ATP2B3: variants seen among roughly 807,000 people sequenced by gnomAD.
ATP2B3 encodes the protein ATPase plasma membrane Ca2+ transporting 3.
In ATP2B3, 12 loss-of-function variants were observed where a neutral mutation model predicts 70.8. The ratio of observed to expected loss-of-function variants is 0.17; its 90% CI spans 0.11 to 0.27. The LOEUF (loss-of-function observed/expected upper bound fraction) is 0.27. ATP2B3 is among the 10% of genes least tolerant of loss of function. The pLI is 1.00. For synonymous variants in ATP2B3, 460 were observed against 497.8 expected (o/e 0.92, Z 1.01); for missense variants, 858 against 1,118.5 (o/e 0.77, Z 3.32).
At position 153,542,317 on chromosome X, in the gene ATP2B3, C is replaced by T. The variant is rs1410046154; in HGVS notation, c.665-6C>T. The T allele has an allele frequency of 3.3e-6, 4 of 1,211,121 alleles. No individual in the cohort carries two copies. The highest frequency in any genetic ancestry group is 3.4e-6 in the Non-Finnish European group (3 of 895,389). ...GGAGAAAGGCCTCTGCTTCCCGGTGCTCTAGGCGACCTGCTGCCAGCCGAC... is the reference window on the plus strand; with the variant it reads ...GGAGAAAGGCCTCTGCTTCCCGGTGTTCTAGGCGACCTGCTGCCAGCCGAC... On this transcript the variant is annotated splice_region_variant and splice_polypyrimidine_tract_variant and intron_variant, in intron 5 of 21. Transcript: ENST00000263519.
intron 2 of ATP2B3, among the ~76,000 whole-genome samples, chrX:153,518,881 A>T (rs1041497790): frequency 8.9e-6 from 1 of 111,843 alleles, no homozygotes; most frequent in African/African-American, 3.2e-5. Flanking sequence ...AGGGCCTCCG[A>T]CCTCAAAGGA....
chrX:153,568,925 G>A (rs2090749134), intron 21 of ATP2B3, among the ~76,000 whole-genome samples: 1 of 112,832 alleles, frequency 8.9e-6, no homozygotes. Context: ...TCCCAGCCAA[G>A]GGCAGGTCAG....
intron 4 of ATP2B3, 24 bp from the exon 5 acceptor site, chrX:153,541,645 G>A (rs782814710): frequency 8.3e-7 from 1 of 1,208,350 alleles, no homozygotes; most frequent in East Asian, 3.0e-5. Flanking sequence ...CTCCTCCACT[G>A]CTTCCCTTCT....
At position 153,532,408 on chromosome X, in the gene ATP2B3, G is replaced by A. The variant is rs782355733; in HGVS notation, c.-126-3714G>A. On this transcript the variant is annotated intron_variant, in intron 2 of 21. Transcript: ENST00000263519. ...AACATAGGGGAAAGAGGACCCCTGG[G>A]TCTCTGGTCAGGTGGGTTTGAGTCA... is the stretch of plus-strand genomic sequence containing the variant. Among the ~76,000 whole-genome samples, 22 of 112,789 alleles carry A rather than the reference G, an allele frequency of 2.0e-4. 1 individual carries two copies. The South Asian group carries it at 7.7e-3, about 40-fold the overall frequency.
At chrX:153,553,689 A>G (rs978163335) in intron 13 of ATP2B3, among the ~76,000 whole-genome samples, 1 of 112,639 alleles carries the variant, frequency 8.9e-6, no homozygotes, top group African/African-American at 3.2e-5. Context: ...AGCTCACAGC[A>G]AAGGTCCTGG....
At chrX:153,578,248 C>A (rs1333849997) in intron 21 of ATP2B3, among the ~76,000 whole-genome samples, 5 of 112,625 alleles carry the variant, frequency 4.4e-5, no homozygotes, top group Non-Finnish European at 9.4e-5. Flanking sequence ...TAGGTCGAAC[C>A]TTGGCCCCAG....
chrX:153,579,059 T>C (rs782696358), intron 21 of ATP2B3, among the ~76,000 whole-genome samples: 93 of 112,834 alleles, frequency 8.2e-4, no homozygotes, highest in Non-Finnish European at 1.4e-3. Flanking sequence ...TTTCTGGTTA[T>C]AGCCAGATGG....
intron 2 of ATP2B3, among the ~76,000 whole-genome samples, chrX:153,533,959 G>A (rs969086136): frequency 1.7e-4 from 19 of 112,163 alleles, no homozygotes; most frequent in African/African-American, 5.5e-4. Context: ...CGGTGACCGT[G>A]CCACGAGGAA....
rs782331983 is a variant in ATP2B3, at chrX:153,548,867, C to G, written c.1338+13C>G. 2.5e-6 allele frequency: 3 copies of G among 1,201,052 alleles called. No individual in the cohort carries two copies. The highest frequency in any genetic ancestry group is 3.4e-6 in the Non-Finnish European group (3 of 886,588). ...TTACTCTGTCAAGGTAATCATAAAA[C>G]TTACAGTTGATACTGTTTACAGACT... On this transcript the variant is annotated intron_variant, in intron 10 of 21. Coordinates refer to ENST00000263519, the MANE Select transcript of ATP2B3 (RefSeq NM_001001344.3).
intron 2 of ATP2B3, among the ~76,000 whole-genome samples, chrX:153,526,728 G>A (rs2090039018): frequency 9.0e-6 from 1 of 111,553 alleles, no homozygotes; most frequent in Non-Finnish European, 1.9e-5. Flanking sequence ...GGGGAGAGTG[G>A]CACGGATACT....
intron 12 of ATP2B3, among the ~76,000 whole-genome samples, chrX:153,551,727 G>C (rs1329154310): frequency 8.9e-6 from 1 of 112,169 alleles, no homozygotes; most frequent in Non-Finnish European, 1.9e-5. Context: ...TGGGTGGACT[G>C]TGTGGTGCGT....
rs781861782 is a variant in ATP2B3 at position 153,546,134 on chromosome X, C to T, written c.958+5C>T. On this transcript the variant is annotated splice_donor_5th_base_variant and intron_variant, in intron 8 of 21. Transcript: ENST00000263519. ...TGGAGAGTAGCCAGACCAAAGGTAA[C>T]GGGCGCCGCTGCTTGGGCACAACAA... is the stretch of plus-strand genomic sequence containing the variant. 2.2e-5 allele frequency: 27 copies of T among 1,208,892 alleles called. No individual in the cohort carries two copies. Among genetic ancestry groups the T allele is most frequent in the Admixed American group, 6.6e-5 (3 of 45,763 alleles).
At chrX:153,557,892 C>CCG (rs2090565010) in intron 16 of ATP2B3, among the ~76,000 whole-genome samples, 2 of 107,790 alleles carry the variant, frequency 1.9e-5, no homozygotes, top group Admixed American at 2.0e-4. Flanking sequence ...GCCCCCCCCC[C>CCG]CACCGTGACA....
At chrX:153,549,771 C>G (rs782635622) in intron 11 of ATP2B3, 32 bp downstream of exon 11, 8 of 1,187,429 alleles carry the variant, frequency 6.7e-6, no homozygotes, top group Non-Finnish European at 9.1e-6. Flanking sequence ...CGGGCAGGGC[C>G]GGGGGCAGGA....
chrX:153,547,318 C>T (rs888714488), intron 8 of ATP2B3, among the ~76,000 whole-genome samples: 9 of 110,626 alleles, frequency 8.1e-5, no homozygotes, highest in Non-Finnish European at 9.5e-5. Context: ...GGGAGAGGAG[C>T]CGTCTGCTCC....
rs1603140118 is a variant in ATP2B3 at position 153,579,981 on chromosome X, C to T, written c.3346C>T (p.Arg1116Trp). The change falls in exon 22 of 22, where the codon CGG (arginine) becomes TGG (tryptophan). Residue 1116 changes from arginine (R) to tryptophan (W), a missense_variant. By Grantham distance (101) the Arg-to-Trp change is moderately radical. Around this residue, in one of 5 missense-constraint regions of ATP2B3, gnomAD observed 265 missense variants for 305.3 expected, o/e 0.87. Coordinates refer to ENST00000263519, the MANE Select transcript of ATP2B3 (RefSeq NM_001001344.3). ...RGLNRIQTQI[R>W]VVKAFRSSLY... ...GTCCCTCCACCTCCCACTCCAGATC[C>T]GGGTGGTGAAAGCGTTCCGTAGCTC... 7 of 1,202,682 alleles carry T rather than the reference C, an allele frequency of 5.8e-6. No individual in the cohort carries two copies. Among genetic ancestry groups the T allele is most frequent in the Middle Eastern group, 2.3e-4 (1 of 4,305 alleles).
chrX:153,559,878 G>C lies in ATP2B3; in HGVS notation c.2775G>C (p.Met925Ile). ...GRDKPLISRT[M>I]MKNILGHAVY... ...ACAAGCCCCTCATCTCCCGCACCAT[G>C]ATGAAGAACATTCTGGGCCACGCCG... Residue 925 changes from methionine (M) to isoleucine (I), a missense_variant, in exon 18 of 22, where the codon ATG becomes ATC. Physicochemically the swap from Met to Ile is conservative, Grantham distance 10. Around this residue, in one of 5 missense-constraint regions of ATP2B3, gnomAD observed 265 missense variants for 305.3 expected, o/e 0.87. Coordinates refer to ENST00000263519, the MANE Select transcript of ATP2B3 (RefSeq NM_001001344.3). 8.2e-7 allele frequency: 1 copy of C among 1,212,193 alleles called. No homozygotes were observed. The highest frequency in any genetic ancestry group is 1.8e-5 in the South Asian group (1 of 57,014).
chrX:153,556,500 A>G (rs2090539530), intron 15 of ATP2B3, 82 bp downstream of exon 15: 1 of 999,867 alleles, frequency 1.0e-6, no homozygotes, highest in Admixed American at 2.8e-5. Flanking sequence ...AGGTTCCCAA[A>G]CAGGTCCCCA....
In ATP2B3 at chrX:153,580,404, C is replaced by G; in HGVS notation, c.*106C>G. ...TATGGGGACCTGCACACCTGCAAAA[C>G]GAGGGAACAACTAAGGTGGCTGAAG... On this transcript the variant is annotated 3_prime_UTR_variant, in exon 22 of 22. Transcript: ENST00000263519. 1 of 838,445 alleles carries G rather than the reference C, an allele frequency of 1.2e-6. No homozygotes were observed. The highest frequency in any genetic ancestry group is 2.6e-5 in the South Asian group (1 of 38,937). 69.1% of individuals were successfully genotyped at this position (838,445 alleles called of 1,213,427 possible).
Sources: gnomAD v4.1 joint callset for allele counts (sites outside exome capture counted in the v4.1 genomes callset) on GRCh38, gnomAD v4.1.1 for gene constraint, gnomAD v4.1.1 regional missense constraint, MANE v1.5 for transcripts, NCBI Gene and HGNC (gene_info 2026-07-23, HGNC 2026-07-21) for gene names.